KRAS: variants seen among roughly 807,000 people sequenced by gnomAD.
The protein encoded by KRAS is KRas proto-oncogene, GTPase.
Under a neutral mutation model 21.0 loss-of-function variants are expected in KRAS, and 1 was observed. The observed-to-expected ratio is 0.05, with a 90% CI of 0.02 to 0.23. The LOEUF is 0.23. Among genes scored for constraint, KRAS ranks in the 10% least tolerant of loss-of-function variants. The pLI, the probability that KRAS is intolerant of heterozygous loss-of-function variation, is 1.00. For missense variants in KRAS, 107 were observed against 221.8 expected, an observed-to-expected ratio of 0.48 and a Z score of 3.29; for synonymous variants, 67 against 72.5, an observed-to-expected ratio of 0.92 and a Z score of 0.39.
chr12:25,235,066 C>T (rs1951527141), intron 2 of KRAS: 1 of 380,628 alleles, frequency 2.6e-6, no homozygotes, highest in South Asian at 9.1e-5. Flanking sequence ...CTCATTTAAT[C>T]TCCATCTTCA....
At chr12:25,249,566 T>C (rs1951736596) in intron 1 of KRAS, among the ~76,000 whole-genome samples, 1 of 108,744 alleles carries the variant, frequency 9.2e-6, no homozygotes, top group African/African-American at 3.5e-5. Flanking sequence ...CACTCCAGCC[T>C]GGGCAACAGA....
chr12:25,237,912 T>C (rs1951563449), intron 2 of KRAS, among the ~76,000 whole-genome samples: 1 of 152,088 alleles, frequency 6.6e-6, no homozygotes, highest in South Asian at 2.1e-4. Context: ...TTGAAATAAT[T>C]TTGCAAAACT....
chr12:25,205,893 G>T lies in KRAS; in HGVS notation c.*3902C>A, dbSNP rs1290500708. On this transcript the variant is annotated 3_prime_UTR_variant, in exon 5 of 5. Transcript: ENST00000311936. Reference sequence around the variant, plus strand: ...AGTTTCATTTTATGACAGCTATTCAGTTTCTCAATGCAGAATTCATGCTAT... The same window carrying T: ...AGTTTCATTTTATGACAGCTATTCATTTTCTCAATGCAGAATTCATGCTAT... 1 of 217,800 alleles carries T rather than the reference G, an allele frequency of 4.6e-6. No individual in the cohort carries two copies. Among genetic ancestry groups the T allele is most frequent in the Non-Finnish European group, 9.2e-6 (1 of 108,448 alleles). 13.5% of individuals were successfully genotyped at this position (217,800 alleles called of 1,614,324 possible).
In KRAS at chr12:25,250,839, G is replaced by T. The variant is rs548105734; in HGVS notation, c.-100C>A. ...GCGCTCGCTCCCAGTCCGAAATGGC[G>T]GGGGCCGGGAGTACTGGCCGAGCCG... On this transcript the variant is annotated 5_prime_UTR_variant, in exon 1 of 5. Coordinates refer to ENST00000311936, the MANE Select transcript of KRAS (RefSeq NM_004985.5). 5 of 231,406 alleles carry T rather than the reference G, an allele frequency of 2.2e-5. No homozygotes were observed. The highest frequency in any genetic ancestry group is 9.0e-5 in the African/African-American group (4 of 44,200). 14.3% of individuals were successfully genotyped at this position (231,406 alleles called of 1,614,324 possible). A position where few individuals can be genotyped will look rare whatever the true frequency, so the allele number is the denominator to read the frequency against.
Position 25,206,908 on chromosome 12 carries a change from A to G in KRAS, c.*2887T>C. 5.0e-6 allele frequency: 1 copy of G among 201,618 alleles called. No homozygotes were observed. Among genetic ancestry groups the G allele is most frequent in the East Asian group, 7.7e-5 (1 of 13,000 alleles). The allele number at this position is 201,618 out of a possible 1,614,324, so 12.5% of individuals were successfully genotyped here. ...CCTTAATGTGTACAGTAATTGTCCT[A>G]AAAGAATCACAGTTATGCCAAATAA... On this transcript the variant is annotated 3_prime_UTR_variant, in exon 5 of 5. Coordinates refer to ENST00000311936, the MANE Select transcript of KRAS (RefSeq NM_004985.5).
At position 25,207,040 on chromosome 12, in the gene KRAS, G is replaced by C. The variant is rs888626754; in HGVS notation, c.*2755C>G. On this transcript the variant is annotated 3_prime_UTR_variant, in exon 5 of 5. Coordinates refer to ENST00000311936, the MANE Select transcript of KRAS (RefSeq NM_004985.5). Reference sequence around the variant, plus strand: ...ATCGTAGCAAAACAATTATAGAGCTGGCACAGAGACCAAACCCCTTCTTTG... The same window carrying C: ...ATCGTAGCAAAACAATTATAGAGCTCGCACAGAGACCAAACCCCTTCTTTG... 2.4e-5 allele frequency: 5 copies of C among 209,932 alleles called. No homozygotes were observed. The highest frequency in any genetic ancestry group is 1.1e-4 in the African/African-American group (5 of 44,022). 13.0% of individuals were successfully genotyped at this position (209,932 alleles called of 1,614,324 possible).
At chr12:25,249,543 T>C (rs953928664) in intron 1 of KRAS, among the ~76,000 whole-genome samples, 6 of 119,688 alleles carry the variant, frequency 5.0e-5, no homozygotes, top group East Asian at 3.0e-4. Flanking sequence ...AGTGAGCCGA[T>C]ACCGCGCCAT....
chr12:25,245,110 T>TATTA (rs1214752845), intron 2 of KRAS, among the ~76,000 whole-genome samples, 164 bp downstream of exon 2: 1 of 152,208 alleles, frequency 6.6e-6, no homozygotes, highest in Non-Finnish European at 1.5e-5. Context: ...AAAGTTCCCA[T>TATTA]ATTAATGGTT....
chr12:25,235,561 C>T (rs372842579), intron 2 of KRAS, among the ~76,000 whole-genome samples: 2 of 152,056 alleles, frequency 1.3e-5, no homozygotes, highest in Non-Finnish European at 2.9e-5. Context: ...GAGACATGAA[C>T]GTAAATAAAT....
intron 4 of KRAS, among the ~76,000 whole-genome samples, chr12:25,222,015 G>A (rs866840856): frequency 6.6e-6 from 1 of 152,010 alleles, no homozygotes. Flanking sequence ...AAGGCATGGT[G>A]GCGGGTGCCT....
intron 4 of KRAS, among the ~76,000 whole-genome samples, chr12:25,219,336 AT>A (rs60180349): frequency 0.49 from 74,802 of 151,922 alleles, 19,351 homozygotes; most frequent in East Asian, 0.8. Flanking sequence ...AACTTTAAAT[AT>A]GTAAATTTTT....
At chr12:25,249,290 G>A (rs1951731535) in intron 1 of KRAS, among the ~76,000 whole-genome samples, 1 of 152,126 alleles carries the variant, frequency 6.6e-6, no homozygotes, top group African/African-American at 2.4e-5. Context: ...CCAGTTATTC[G>A]GGAGGCTGAG....
intron 2 of KRAS, chr12:25,234,740 CAA>C (rs1422701791): frequency 5.2e-6 from 1 of 190,692 alleles, no homozygotes; most frequent in African/African-American, 2.3e-5. Context: ...ACCAGAACAT[CAA>C]GTTTGTCATT....
rs149066471 is a variant in KRAS, at chr12:25,247,552, T to C, written c.-11-2157A>G. Among the ~76,000 whole-genome samples, 753 of 152,260 alleles carry C rather than the reference T, an allele frequency of 4.9e-3. 24 individuals are homozygous for C. In the East Asian group the frequency reaches 0.078, roughly 16 times the overall value. On this transcript the variant is annotated intron_variant, in intron 1 of 4. Transcript: ENST00000311936. ...ATAGATGAGGAGAATTACACTAAAA[T>C]GTATCTTCTAGCTCTCTGCCTACCC...
intron 2 of KRAS, among the ~76,000 whole-genome samples, chr12:25,227,679 C>T (rs2141511198): frequency 6.6e-6 from 1 of 151,902 alleles, no homozygotes; most frequent in African/African-American, 2.4e-5. Context: ...AAAAACAAAA[C>T]AAAAAAACTC....
At chr12:25,223,614 G>A (rs747904234) in intron 4 of KRAS, among the ~76,000 whole-genome samples, 22 of 152,136 alleles carry the variant, frequency 1.4e-4, no homozygotes, top group Non-Finnish European at 3.2e-4. Context: ...ACTTGAAGTA[G>A]AATTTACTGT....
chr12:25,244,128 C>A (rs1030358827), intron 2 of KRAS, among the ~76,000 whole-genome samples: 1 of 152,160 alleles, frequency 6.6e-6, no homozygotes, highest in Admixed American at 6.5e-5. Flanking sequence ...CTTGCCTCAG[C>A]GCAAAGTGTC....
At chr12:25,215,511 C>T in intron 4 of KRAS, 1 of 1,612,074 alleles carries the variant, frequency 6.2e-7, no homozygotes, top group Non-Finnish European at 8.5e-7. Context: ...TTTTTTCAAT[C>T]TGTATTGTCG....
chr12:25,245,409 T>C lies in KRAS; in HGVS notation c.-11-14A>G. 1.3e-6 allele frequency: 2 copies of C among 1,587,404 alleles called. No individual in the cohort carries two copies. Among genetic ancestry groups the C allele is most frequent in the Non-Finnish European group, 1.7e-6 (2 of 1,163,926 alleles). On this transcript the variant is annotated splice_polypyrimidine_tract_variant and intron_variant, in intron 1 of 4. Coordinates refer to ENST00000311936, the MANE Select transcript of KRAS (RefSeq NM_004985.5). Reference sequence around the variant, plus strand: ...TTTTCAGCAGGCCTTATAATAAAAATAATGAAAATGTGACTATATTAGAAC... The same window carrying C: ...TTTTCAGCAGGCCTTATAATAAAAACAATGAAAATGTGACTATATTAGAAC...
Sources: allele counts gnomAD v4.1 joint callset (sites outside exome capture counted in the v4.1 genomes callset), GRCh38; gene constraint gnomAD v4.1.1; transcripts MANE v1.5; gene names NCBI Gene and HGNC (gene_info 2026-07-23, HGNC 2026-07-21).